The following ZNF536 variants were observed in gnomAD, a reference collection of about 807,000 sequenced individuals.
ZNF536 encodes the protein zinc finger protein 536.
In ZNF536, 13 loss-of-function variants were observed where a neutral mutation model predicts 84.5. That is an observed-to-expected ratio of 0.15 (90% CI 0.10 to 0.24). The LOEUF is 0.24. ZNF536 is among the 10% of genes least tolerant of loss of function. The probability of loss-of-function intolerance (pLI) is 1.00; values close to 1 mark genes in which losing one functional copy is unlikely to be tolerated. For synonymous variants in ZNF536, 811 were observed against 742.5 expected (o/e 1.09, Z -1.50); for missense variants, 1,536 against 1,747.5 (o/e 0.88, Z 2.16).
At chr19:30,317,648 C>G (rs767107953) in intron 2 of ZNF536, among the ~76,000 whole-genome samples, 4 of 152,164 alleles carry the variant, frequency 2.6e-5, no homozygotes, top group African/African-American at 7.2e-5. Flanking sequence ...GCTGCTGGAG[C>G]GGGGCTGGGC....
intron 1 of ZNF536, among the ~76,000 whole-genome samples, chr19:30,678,464 C>G (rs2050838076): frequency 6.6e-6 from 1 of 152,194 alleles, no homozygotes; most frequent in Non-Finnish European, 1.5e-5. Context: ...GGCTTCCCTC[C>G]CTCCCCATCG....
chr19:30,375,044 A>G (rs1009550319), intron 1 of ZNF536, among the ~76,000 whole-genome samples: 1 of 151,822 alleles, frequency 6.6e-6, no homozygotes, highest in African/African-American at 2.4e-5. Flanking sequence ...GAAATGGGAC[A>G]TGATGGCATT....
At chr19:30,633,561 C>A (rs1215606127) in intron 1 of ZNF536, among the ~76,000 whole-genome samples, 2 of 152,150 alleles carry the variant, frequency 1.3e-5, no homozygotes, top group African/African-American at 4.8e-5. Context: ...TGGTAACCAC[C>A]ATTCTGCTCT....
At chr19:30,646,507 G>A (rs7247574) in intron 1 of ZNF536, among the ~76,000 whole-genome samples, 60 of 152,356 alleles carry the variant, frequency 3.9e-4, no homozygotes, top group Middle Eastern at 3.4e-3. Flanking sequence ...GGGTGTGTGC[G>A]TGCTTCTGCA....
intron 2 of ZNF536, among the ~76,000 whole-genome samples, chr19:30,351,266 A>C (rs573492583): frequency 6.6e-6 from 1 of 152,364 alleles, no homozygotes; most frequent in East Asian, 1.9e-4. Context: ...AGATGACAGC[A>C]AAATACTAGT....
At chr19:30,358,466 C>G (rs1170655659) in intron 3 of ZNF536, among the ~76,000 whole-genome samples, 1 of 152,250 alleles carries the variant, frequency 6.6e-6, no homozygotes, top group Non-Finnish European at 1.5e-5. Flanking sequence ...TCTTCTCCAT[C>G]TCAGTAGCTC....
At chr19:30,704,530 C>T (rs1279938724) in intron 1 of ZNF536, among the ~76,000 whole-genome samples, 1 of 151,720 alleles carries the variant, frequency 6.6e-6, no homozygotes, top group Non-Finnish European at 1.5e-5. Context: ...ACCTGTAATC[C>T]CAGCTACTTG....
At position 30,636,837 on chromosome 19, in the gene ZNF536, G is replaced by C. The variant is rs369260880; in HGVS notation, c.170-73920G>C. Among the ~76,000 whole-genome samples, 7 of 152,228 alleles carry C rather than the reference G, an allele frequency of 4.6e-5. No homozygotes were observed. In the South Asian group the frequency reaches 1.5e-3, roughly 32 times the overall value. ...GACGGGGGCAGGCCGTGTCTTCTCT[G>C]GTCCCTGGCCTCATGTTTTCCTTTC... On this transcript the variant is annotated intron_variant, in intron 1 of 1. Transcript: ENST00000592773.
intron 3 of ZNF536, among the ~76,000 whole-genome samples, chr19:30,535,340 G>A (rs996252549): frequency 1.3e-5 from 2 of 152,118 alleles, no homozygotes; most frequent in Non-Finnish European, 2.9e-5. Context: ...GTATGAACCA[G>A]GAGTCTCCCA....
intron 3 of ZNF536, among the ~76,000 whole-genome samples, chr19:30,363,786 C>T (rs1273166767): frequency 6.6e-6 from 1 of 152,154 alleles, no homozygotes. Flanking sequence ...GTTTTGAGGC[C>T]AGGAAGAGCT....
chr19:30,423,751 C>T (rs992745265), intron 1 of ZNF536, among the ~76,000 whole-genome samples: 5 of 148,960 alleles, frequency 3.4e-5, no homozygotes, highest in East Asian at 2.1e-4. Flanking sequence ...GGCTCCCTCC[C>T]GGGGGCTTCG....
chr19:30,357,110 C>T (rs2048120761), intron 3 of ZNF536, among the ~76,000 whole-genome samples: 1 of 152,196 alleles, frequency 6.6e-6, no homozygotes, highest in Non-Finnish European at 1.5e-5. Flanking sequence ...ATGATGACAT[C>T]ACAGAGCAAT....
intron 1 of ZNF536, among the ~76,000 whole-genome samples, chr19:30,607,008 C>A (rs1008555510): frequency 1.3e-5 from 2 of 152,116 alleles, no homozygotes; most frequent in African/African-American, 4.8e-5. Flanking sequence ...GCTCTCACGA[C>A]CCCAGGCCAT....
chr19:30,563,575 G>A (rs2046249099), intron 1 of ZNF536, among the ~76,000 whole-genome samples: 1 of 152,232 alleles, frequency 6.6e-6, no homozygotes. Flanking sequence ...TGTTCTTGAA[G>A]CCTTTGAGGT....
chr19:30,564,666 G>A (rs990031927), intron 1 of ZNF536, among the ~76,000 whole-genome samples: 1 of 152,132 alleles, frequency 6.6e-6, no homozygotes, highest in Non-Finnish European at 1.5e-5. Flanking sequence ...GCCTCCTCCC[G>A]CTTGCTCCAC....
chr19:30,551,125 TAG>T (rs1035431570), intron 4 of ZNF536, among the ~76,000 whole-genome samples: 1 of 151,608 alleles, frequency 6.6e-6, no homozygotes, highest in African/African-American at 2.4e-5. Flanking sequence ...TATTGTTGTT[TAG>T]AGTCTTTTTT....
chr19:30,534,818 G>A (rs2045000129), intron 2 of ZNF536, 29 bp from the exon 3 acceptor site: 1 of 1,592,774 alleles, frequency 6.3e-7, no homozygotes, highest in East Asian at 2.2e-5. Flanking sequence ...GTGCTGAAGT[G>A]ATGTGAGAAC....
At chr19:30,297,902 G>GGC (rs1568313143) in intron 2 of ZNF536, among the ~76,000 whole-genome samples, 10 of 119,608 alleles carry the variant, frequency 8.4e-5, no homozygotes, top group African/African-American at 4.0e-4. Flanking sequence ...TCAAGACGGA[G>GGC]TCCCCCCCCC....
At chr19:30,349,427 A>G (rs147489422) in intron 2 of ZNF536, among the ~76,000 whole-genome samples, 2 of 152,150 alleles carry the variant, frequency 1.3e-5, no homozygotes, top group African/African-American at 4.8e-5. Context: ...ACTGGAGTTA[A>G]CTTCCAAGGT....
Sources: allele counts gnomAD v4.1 joint callset (sites outside exome capture counted in the v4.1 genomes callset), GRCh38; gene constraint gnomAD v4.1.1; transcripts MANE v1.5; gene names NCBI Gene and HGNC (gene_info 2026-07-23, HGNC 2026-07-21).